PIBF1: variants seen among roughly 807,000 people sequenced by gnomAD.
PIBF1 encodes the protein progesterone-induced-blocking factor 1.
PIBF1 carries 90 observed loss-of-function variants against 112.5 expected under a neutral mutation model. That is an observed-to-expected ratio of 0.80 (90% CI 0.67 to 0.95). The LOEUF (loss-of-function observed/expected upper bound fraction) is 0.95. PIBF1 is among the 40% of genes least tolerant of loss of function. The pLI is 0.00. For synonymous variants in PIBF1, 301 were observed against 288.6 expected (o/e 1.04, Z -0.44); for missense variants, 915 against 852.3 (o/e 1.07, Z -0.92).
intron 5 of PIBF1, among the ~76,000 whole-genome samples, chr13:72,806,271 C>T (rs117754200): frequency 1.3e-5 from 2 of 152,022 alleles, no homozygotes; most frequent in East Asian, 1.9e-4. Context: ...AGTTTAGATT[C>T]GTCATATGAG....
chr13:72,785,728 T>A (rs952536169), intron 2 of PIBF1, among the ~76,000 whole-genome samples: 1 of 152,216 alleles, frequency 6.6e-6, no homozygotes, highest in Non-Finnish European at 1.5e-5. Flanking sequence ...GTGCAACTCA[T>A]TGAAGAAACC....
chr13:72,874,784 A>C (rs1031537730), intron 10 of PIBF1, among the ~76,000 whole-genome samples: 6 of 152,196 alleles, frequency 3.9e-5, no homozygotes, highest in Admixed American at 3.3e-4. Flanking sequence ...TTTTTAGAGC[A>C]GTTTTGGGTT....
At chr13:72,914,661 G>T (rs748498977) in intron 12 of PIBF1, among the ~76,000 whole-genome samples, 1 of 152,122 alleles carries the variant, frequency 6.6e-6, no homozygotes, top group African/African-American at 2.4e-5. Context: ...ATAGCTCACT[G>T]CAGTCTCAAA....
At chr13:73,006,288 C>T (rs1371535474) in intron 17 of PIBF1, among the ~76,000 whole-genome samples, 1 of 152,142 alleles carries the variant, frequency 6.6e-6, no homozygotes, top group Admixed American at 6.6e-5. Flanking sequence ...AAATATCTAG[C>T]TGTTTACATA....
chr13:72,917,520 G>A (rs946858573), intron 13 of PIBF1, among the ~76,000 whole-genome samples: 2 of 150,444 alleles, frequency 1.3e-5, no homozygotes, highest in Middle Eastern at 3.4e-3. Context: ...TTATTCAACT[G>A]CCTACATTCC....
intron 14 of PIBF1, among the ~76,000 whole-genome samples, chr13:72,956,370 A>C (rs1468778811): frequency 6.6e-6 from 1 of 152,016 alleles, no homozygotes; most frequent in East Asian, 1.9e-4. Flanking sequence ...ACCAAATGCC[A>C]ACCACCACTG....
chr13:72,822,005 G>A, intron 6 of PIBF1, 23 bp downstream of exon 6: 4 of 1,578,868 alleles, frequency 2.5e-6, no homozygotes, highest in South Asian at 2.3e-5. Context: ...AATGGCTGCA[G>A]TAGTAGTTCT....
rs142194511 is a variant in PIBF1 at position 72,844,434 on chromosome 13, C to T, written c.1223+9066C>T. ...ATACACATGCCATGGTGGTTTGCTG[C>T]ACCCATCAACCCGTCATCTACATTA... On this transcript the variant is annotated intron_variant, in intron 9 of 17. Coordinates refer to ENST00000326291, the MANE Select transcript of PIBF1 (RefSeq NM_006346.4). Among the ~76,000 whole-genome samples the T allele has an allele frequency of 1.5e-3, 229 of 152,120 alleles. 1 individual carries two copies. The highest frequency in any genetic ancestry group is 5.2e-3 in the African/African-American group (216 of 41,478).
chr13:72,982,883 A>G (rs925486596), intron 16 of PIBF1, among the ~76,000 whole-genome samples: 2 of 152,216 alleles, frequency 1.3e-5, no homozygotes, highest in African/African-American at 4.8e-5. Flanking sequence ...TTTTAGATAC[A>G]TACTACTGAA....
chr13:72,950,398 C>T (rs1256065614), intron 14 of PIBF1, among the ~76,000 whole-genome samples: 5 of 152,106 alleles, frequency 3.3e-5, no homozygotes, highest in Non-Finnish European at 1.5e-5. Context: ...TTGAAGGCCT[C>T]CTATTTATGT....
chr13:72,901,195 C>T (rs1201699735), intron 11 of PIBF1: 2 of 278,844 alleles, frequency 7.2e-6, no homozygotes, highest in Non-Finnish European at 7.3e-6. Flanking sequence ...CCGGAATCTA[C>T]AGTGAACTCA....
At chr13:72,809,366 T>C (rs1024936277) in intron 5 of PIBF1, among the ~76,000 whole-genome samples, 1 of 151,814 alleles carries the variant, frequency 6.6e-6, no homozygotes, top group Non-Finnish European at 1.5e-5. Flanking sequence ...TTCCATAATA[T>C]GTATTCAGAG....
intron 10 of PIBF1, among the ~76,000 whole-genome samples, chr13:72,882,240 G>T (rs1259109808): frequency 6.6e-6 from 1 of 152,170 alleles, no homozygotes; most frequent in African/African-American, 2.4e-5. Flanking sequence ...ATGTCCATAT[G>T]CAGAAGAATA....
chr13:72,999,511 A>G (rs550443654), intron 17 of PIBF1, among the ~76,000 whole-genome samples: 113 of 152,274 alleles, frequency 7.4e-4, no homozygotes, highest in African/African-American at 2.5e-3. Flanking sequence ...TTCTCAGGAG[A>G]AACATGATTT....
intron 9 of PIBF1, among the ~76,000 whole-genome samples, chr13:72,836,805 AG>A (rs1188527010): frequency 6.6e-6 from 1 of 152,150 alleles, no homozygotes; most frequent in African/African-American, 2.4e-5. Flanking sequence ...CATGAAAATC[AG>A]ATTATTATTT....
chr13:73,013,150 A>G (rs1594370059), intron 17 of PIBF1, among the ~76,000 whole-genome samples: 1 of 151,346 alleles, frequency 6.6e-6, no homozygotes, highest in Non-Finnish European at 1.5e-5. Flanking sequence ...AAATACAAAA[A>G]ATTAGCCGGG....
chr13:72,805,521 A>T (rs2035688539), intron 5 of PIBF1, among the ~76,000 whole-genome samples: 1 of 152,218 alleles, frequency 6.6e-6, no homozygotes, highest in Non-Finnish European at 1.5e-5. Flanking sequence ...AAGTGATTCA[A>T]CAAATATTTT....
rs1227533996 is a variant in PIBF1 at position 72,996,096 on chromosome 13, G to GC, written c.2050-2726_2050-2725insC. Among the ~76,000 whole-genome samples, 5 of 115,448 alleles carry GC rather than the reference G, an allele frequency of 4.3e-5. 1 individual carries two copies. The highest frequency in any genetic ancestry group is 9.5e-5 in the African/African-American group (3 of 31,448). The allele number at this position is 115,448 out of a possible 152,430, so 75.7% of individuals were successfully genotyped here. On this transcript the variant is annotated intron_variant, in intron 16 of 17. Coordinates refer to ENST00000326291, the MANE Select transcript of PIBF1 (RefSeq NM_006346.4). Reference sequence around the variant, plus strand: ...AACAAAAAAAAAAAAGCGGGGGGGGGGGGTCATAAACAAAGTCAAGTAAGA... The same window carrying GC: ...AACAAAAAAAAAAAAGCGGGGGGGGGCGGGTCATAAACAAAGTCAAGTAAGA...
chr13:72,975,393 G>A (rs1207544269), intron 16 of PIBF1, among the ~76,000 whole-genome samples: 1 of 152,118 alleles, frequency 6.6e-6, no homozygotes, highest in Non-Finnish European at 1.5e-5. Context: ...TGGTTTATGA[G>A]TATCCTGATA....
Sources: allele counts gnomAD v4.1 joint callset (sites outside exome capture counted in the v4.1 genomes callset), GRCh38; gene constraint gnomAD v4.1.1; transcripts MANE v1.5; gene names NCBI Gene and HGNC (gene_info 2026-07-23, HGNC 2026-07-21).